Variants in CCNC observed in about 807,000 individuals in gnomAD.
CCNC encodes cyclin-C.
CCNC carries 19 observed loss-of-function variants against 50.0 expected under a neutral mutation model. The ratio of observed to expected loss-of-function variants is 0.38; its 90% CI spans 0.27 to 0.56. CCNC has a LOEUF of 0.56. CCNC is among the 20% of genes least tolerant of loss of function. The pLI is 0.72. For synonymous variants in CCNC, 93 were observed against 103.7 expected (o/e 0.90, Z 0.63); for missense variants, 200 against 327.1 (o/e 0.61, Z 3.00).
rs545221069 is a variant in CCNC, at chr6:99,559,119, A to G, written c.295-571T>C. ...TTCAATTCAACCTGTATTAACAGAT[A>G]CTTCATGCCATTCTATGGTAAAACA... On this transcript the variant is annotated intron_variant, in intron 4 of 11. Transcript: ENST00000520429. Among the ~76,000 whole-genome samples the G allele has an allele frequency of 2.0e-5, 3 of 152,094 alleles. No homozygotes were observed. In the South Asian group the frequency reaches 6.2e-4, roughly 32 times the overall value.
At chr6:99,560,961 G>A (rs550979617) in intron 4 of CCNC, among the ~76,000 whole-genome samples, 44 of 152,296 alleles carry the variant, frequency 2.9e-4, no homozygotes, top group African/African-American at 1.0e-3. Context: ...ATACTACTCA[G>A]TGCCAAACAA....
At chr6:99,547,054 G>C (rs1250887195) in intron 9 of CCNC, among the ~76,000 whole-genome samples, 1 of 139,662 alleles carries the variant, frequency 7.2e-6, no homozygotes, top group Non-Finnish European at 1.6e-5. Flanking sequence ...TACAATATTA[G>C]TTATATATGT....
chr6:99,543,527 G>T lies in CCNC; in HGVS notation c.*28C>A. The T allele has an allele frequency of 6.2e-7, 1 of 1,609,726 alleles. No homozygotes were observed. Among genetic ancestry groups the T allele is most frequent in the South Asian group, 1.1e-5 (1 of 90,876 alleles). The stretch of plus-strand genomic sequence containing the variant: ...TCTGTCCAATGGTTTATTTCCAAGT[G>T]GTCCACTATGGAATTCTTCGGAATG... On this transcript the variant is annotated 3_prime_UTR_variant, in exon 12 of 12. Coordinates refer to ENST00000520429, the MANE Select transcript of CCNC (RefSeq NM_005190.4).
intron 1 of CCNC, among the ~76,000 whole-genome samples, chr6:99,567,248 C>T (rs1414523921): frequency 5.6e-5 from 7 of 125,460 alleles, no homozygotes; most frequent in Admixed American, 1.5e-4. Context: ...CTCTCAGCTT[C>T]TTTCAGAGTT....
chr6:99,565,823 T>C (rs1769097268), intron 1 of CCNC, among the ~76,000 whole-genome samples: 1 of 152,070 alleles, frequency 6.6e-6, no homozygotes, highest in Non-Finnish European at 1.5e-5. Flanking sequence ...TTCAATGTAA[T>C]GTTAGACTGC....
chr6:99,556,675 C>T (rs9494724), intron 5 of CCNC, among the ~76,000 whole-genome samples: 39,217 of 152,114 alleles, frequency 0.26, 5,255 homozygotes, highest in East Asian at 0.37. Context: ...CAGTGGCTCA[C>T]GCCTGTAATC....
At chr6:99,550,007 G>A (rs533356956) in intron 8 of CCNC, among the ~76,000 whole-genome samples, 1 of 152,060 alleles carries the variant, frequency 6.6e-6, no homozygotes, top group African/African-American at 2.4e-5. Context: ...AATTTTAATA[G>A]GTATATTTAT....
At chr6:99,567,100 A>T (rs1374535877) in intron 1 of CCNC, 11 of 237,960 alleles carry the variant, frequency 4.6e-5, no homozygotes, top group Non-Finnish European at 8.6e-5. Context: ...TAATAATTTT[A>T]TATTTGAAAA....
At chr6:99,546,550 C>T (rs1416623565) in intron 9 of CCNC, 76 bp from the exon 10 acceptor site, 1 of 938,852 alleles carries the variant, frequency 1.1e-6, no homozygotes, top group African/African-American at 1.6e-5. Flanking sequence ...AGATTTTTCA[C>T]TATTTCCTGT....
chr6:99,550,292 C>T lies in CCNC; in HGVS notation c.456G>A (p.Val152=). ...GGAGCAAAGGTCTATAAGGATGATA[C>T]ACTATCAAGCAACAATCCTAGAAAC... The part of the protein sequence containing the change: ...LLELMDCCLI[V]YHPYRPLLQY... The change falls in exon 8 of 12, where the codon GTG becomes GTA. Residue 152 remains valine (V), a synonymous_variant. Transcript: ENST00000520429. The T allele has an allele frequency of 6.2e-7, 1 of 1,609,990 alleles. No individual in the cohort carries two copies. The highest frequency in any genetic ancestry group is 8.5e-7 in the Non-Finnish European group (1 of 1,177,908).
intron 1 of CCNC, chr6:99,567,092 A>G (rs1769160595): frequency 4.0e-6 from 1 of 252,212 alleles, no homozygotes; most frequent in South Asian, 3.8e-5. Flanking sequence ...TAACTTTATA[A>G]TAATTTTATA....
rs1583564543 is a variant in CCNC at position 99,543,400 on chromosome 6, T to G, written c.*155A>C. ...AATCAATTATGTACTAGAATCATAT[T>G]AAAGAAAAACTTATTTTGCAAAAAT... On this transcript the variant is annotated 3_prime_UTR_variant, in exon 12 of 12. Coordinates refer to ENST00000520429, the MANE Select transcript of CCNC (RefSeq NM_005190.4). The G allele has an allele frequency of 9.6e-6, 7 of 727,356 alleles. No homozygotes were observed. In the Admixed American group the frequency reaches 1.9e-4, roughly 20 times the overall value. The allele number at this position is 727,356 out of a possible 1,614,324, so 45.1% of individuals were successfully genotyped here.
chr6:99,550,362 CA>C (rs1299522797), intron 7 of CCNC, 53 bp from the exon 8 acceptor site: 2 of 1,245,542 alleles, frequency 1.6e-6, no homozygotes, highest in African/African-American at 1.5e-5. Context: ...TATTACAACA[CA>C]AAAATGTTAT....
chr6:99,543,665 C>T, intron 11 of CCNC, 56 bp from the exon 12 acceptor site: 1 of 1,599,198 alleles, frequency 6.3e-7, no homozygotes, highest in Non-Finnish European at 8.5e-7. Context: ...CATTTTTACA[C>T]CCTGATAAGC....
intron 4 of CCNC, among the ~76,000 whole-genome samples, chr6:99,560,237 T>G (rs1275392158): frequency 7.2e-5 from 11 of 152,138 alleles, no homozygotes; most frequent in African/African-American, 2.7e-4. Flanking sequence ...ATGGTAATAT[T>G]TAAATAAAAT....
chr6:99,550,607 T>C, intron 7 of CCNC: 1 of 316,704 alleles, frequency 3.2e-6, no homozygotes, highest in Non-Finnish European at 5.7e-6. Flanking sequence ...AACCTCTTAT[T>C]AGCCTATAAA....
rs1198691669 is a variant in CCNC, at chr6:99,558,280, C to T, written c.346+217G>A. 12 of 532,496 alleles carry T rather than the reference C, an allele frequency of 2.3e-5. No individual in the cohort carries two copies. The East Asian group carries it at 4.1e-4, about 18-fold the overall frequency. 33.0% of individuals were successfully genotyped at this position (532,496 alleles called of 1,614,324 possible). On this transcript the variant is annotated intron_variant, in intron 5 of 11. Transcript: ENST00000520429. ...TGTTTTTGGATTGATAATTACTATC[C>T]ATTTTAACATTAAAAGTAATATCTT...
At chr6:99,561,472 T>C (rs577754222) in intron 3 of CCNC, 36 bp from the exon 4 acceptor site, 1 of 1,455,340 alleles carries the variant, frequency 6.9e-7, no homozygotes, top group South Asian at 1.3e-5. Flanking sequence ...ATATCATTCA[T>C]ACAGAAAACA....
Position 99,568,508 on chromosome 6 carries a change from T to G in CCNC, c.20A>C (p.Gln7Pro). ...GAAGATCGCTTACTAGTGGGAGCTC[T>G]GCCAAAAGTTCCCTGCCATGGAACA... MAGNFW[Q>P]SSHYLQWILD... Residue 7 changes from glutamine (Q) to proline (P), a missense_variant, in exon 1 of 12, where the codon CAG becomes CCG. Physicochemically the swap from Gln to Pro is moderately conservative, Grantham distance 76 (BLOSUM62 -1). Coordinates refer to ENST00000520429, the MANE Select transcript of CCNC (RefSeq NM_005190.4). The G allele has an allele frequency of 6.2e-7, 1 of 1,613,036 alleles. No individual in the cohort carries two copies. Among genetic ancestry groups the G allele is most frequent in the Non-Finnish European group, 8.5e-7 (1 of 1,179,464 alleles).
Sources: allele counts gnomAD v4.1 joint callset (sites outside exome capture counted in the v4.1 genomes callset), GRCh38; gene constraint gnomAD v4.1.1; transcripts MANE v1.5; gene names NCBI Gene and HGNC (gene_info 2026-07-23, HGNC 2026-07-21).